The following CLSTN2 variants were observed in gnomAD, a reference collection of about 807,000 sequenced individuals.
The protein encoded by CLSTN2 is calsyntenin-2.
In CLSTN2, 48 loss-of-function variants were observed where a neutral mutation model predicts 101.2. The observed-to-expected ratio is 0.47, with a 90% CI of 0.38 to 0.60. The LOEUF is 0.60. Among genes scored for constraint, CLSTN2 ranks in the 20% least tolerant of loss-of-function variants. The pLI is 0.00. For synonymous variants in CLSTN2, 481 were observed against 463.6 expected (o/e 1.04, Z -0.48); for missense variants, 1,160 against 1,238.2 (o/e 0.94, Z 0.95).
chr3:140,163,387 G>T (rs2010081851), intron 1 of CLSTN2, among the ~76,000 whole-genome samples: 1 of 149,228 alleles, frequency 6.7e-6, no homozygotes, highest in African/African-American at 2.5e-5. Context: ...CCCACAAAAT[G>T]CATGAATCAA....
chr3:140,098,908 C>A (rs2008916084), intron 1 of CLSTN2, among the ~76,000 whole-genome samples: 1 of 152,132 alleles, frequency 6.6e-6, no homozygotes, highest in African/African-American at 2.4e-5. Context: ...AGACACTGTC[C>A]AGGCCAGATC....
Position 140,459,730 on chromosome 3 carries a change from G to A in CLSTN2, c.1183G>A (p.Ala395Thr). ...ACACGGCCCCAGCCCTGGTGTGAGA[G>A]CCGAGAAGGAAACCATCCTCTGCAA... is the stretch of plus-strand genomic sequence containing the variant. ...MKHGPSPGVR[A>T]EKETILCNSD... The change falls in exon 7 of 17, where the codon GCC becomes ACC. Residue 395 changes from alanine (A) to threonine (T), a missense_variant. By Grantham distance (58) the Ala-to-Thr change is moderately conservative. Transcript: ENST00000458420. The A allele has an allele frequency of 6.2e-7, 1 of 1,614,128 alleles. No homozygotes were observed. Among genetic ancestry groups the A allele is most frequent in the Middle Eastern group, 1.6e-4 (1 of 6,062 alleles).
intron 2 of CLSTN2, among the ~76,000 whole-genome samples, chr3:140,394,941 G>A (rs377122961): frequency 6.6e-6 from 1 of 152,280 alleles, no homozygotes; most frequent in East Asian, 1.9e-4. Context: ...GCACCAGGCA[G>A]ACCATTATTT....
At chr3:140,311,095 T>C (rs1220395011) in intron 2 of CLSTN2, among the ~76,000 whole-genome samples, 1 of 152,060 alleles carries the variant, frequency 6.6e-6, no homozygotes, top group Non-Finnish European at 1.5e-5. Context: ...GTGAGCCAGA[T>C]TGGGCAGTGA....
At chr3:140,219,362 G>A (rs1232525838) in intron 2 of CLSTN2, among the ~76,000 whole-genome samples, 12 of 151,972 alleles carry the variant, frequency 7.9e-5, no homozygotes, top group Admixed American at 3.9e-4. Flanking sequence ...CATTAGTTGC[G>A]CGTGAGTGAG....
At chr3:140,129,557 TG>T (rs1456176478) in intron 1 of CLSTN2, among the ~76,000 whole-genome samples, 3 of 152,196 alleles carry the variant, frequency 2.0e-5, no homozygotes, top group Admixed American at 2.0e-4. Flanking sequence ...GTACACAGTA[TG>T]TGCTCAATAA....
At chr3:140,102,862 T>C (rs2008992216) in intron 1 of CLSTN2, among the ~76,000 whole-genome samples, 1 of 152,190 alleles carries the variant, frequency 6.6e-6, no homozygotes, top group Admixed American at 6.5e-5. Flanking sequence ...CTCAAAACTT[T>C]CTGTGATAAG....
intron 2 of CLSTN2, among the ~76,000 whole-genome samples, chr3:140,209,858 C>G (rs757768961): frequency 6.6e-5 from 10 of 152,094 alleles, no homozygotes; most frequent in Non-Finnish European, 1.5e-4. Flanking sequence ...TGAGTTGGAG[C>G]CTCAACCTAG....
intron 2 of CLSTN2, among the ~76,000 whole-genome samples, chr3:140,379,785 G>A (rs1043813369): frequency 2.0e-5 from 3 of 152,052 alleles, no homozygotes; most frequent in East Asian, 1.9e-4. Context: ...AATAAGCTAC[G>A]AAAATGATCT....
At chr3:140,397,035 C>T (rs1389871609) in intron 2 of CLSTN2, among the ~76,000 whole-genome samples, 1 of 151,980 alleles carries the variant, frequency 6.6e-6, no homozygotes, top group African/African-American at 2.4e-5. Flanking sequence ...AACTGAGAAA[C>T]TTTCAAATGT....
intron 8 of CLSTN2, among the ~76,000 whole-genome samples, chr3:140,469,577 C>T (rs1353902624): frequency 1.3e-5 from 2 of 152,212 alleles, no homozygotes; most frequent in African/African-American, 2.4e-5. Flanking sequence ...CCTCTCTTCT[C>T]TGCTCCCCAG....
chr3:140,123,748 G>T (rs1030548317), intron 1 of CLSTN2, among the ~76,000 whole-genome samples: 1 of 152,048 alleles, frequency 6.6e-6, no homozygotes, highest in South Asian at 2.1e-4. Context: ...CCTTCTTGCT[G>T]TGTCCTCACA....
chr3:140,188,047 G>A (rs2010507614), intron 2 of CLSTN2, among the ~76,000 whole-genome samples: 1 of 152,168 alleles, frequency 6.6e-6, no homozygotes, highest in Admixed American at 6.5e-5. Context: ...CCACAGTGGA[G>A]TGTACTTGTC....
At chr3:140,551,695 C>A (rs905124192) in intron 10 of CLSTN2, among the ~76,000 whole-genome samples, 1 of 151,910 alleles carries the variant, frequency 6.6e-6, no homozygotes, top group Non-Finnish European at 1.5e-5. Context: ...TGACCTTGGG[C>A]AAGACACGTT....
intron 8 of CLSTN2, among the ~76,000 whole-genome samples, chr3:140,520,172 C>CTGTT (rs1230349843): frequency 2.0e-5 from 3 of 152,210 alleles, no homozygotes; most frequent in Non-Finnish European, 4.4e-5. Flanking sequence ...GAGAGGACCA[C>CTGTT]TGTTAGTCTG....
chr3:139,994,951 C>G (rs1175624457), intron 1 of CLSTN2, among the ~76,000 whole-genome samples: 2 of 152,154 alleles, frequency 1.3e-5, no homozygotes, highest in Admixed American at 1.3e-4. Flanking sequence ...AAGTCCCAGG[C>G]CCAAAAGACT....
intron 2 of CLSTN2, among the ~76,000 whole-genome samples, chr3:140,284,371 C>G (rs188550740): frequency 6.6e-6 from 1 of 152,074 alleles, no homozygotes; most frequent in African/African-American, 2.4e-5. Context: ...ACACCATCAC[C>G]CTTAGCCAGT....
intron 1 of CLSTN2, among the ~76,000 whole-genome samples, chr3:140,103,952 C>T (rs932233950): frequency 3.9e-5 from 6 of 152,168 alleles, no homozygotes; most frequent in Non-Finnish European, 8.8e-5. Flanking sequence ...AGAACTAGGA[C>T]ATGATTGATG....
chr3:140,532,553 A>G (rs1935279521), intron 9 of CLSTN2, 67 bp downstream of exon 9: 4 of 1,385,472 alleles, frequency 2.9e-6, no homozygotes, highest in African/African-American at 1.4e-5. Flanking sequence ...ACTTGTAGAG[A>G]AAAAGGAAAA....
Sources: allele counts gnomAD v4.1 joint callset (sites outside exome capture counted in the v4.1 genomes callset), GRCh38; gene constraint gnomAD v4.1.1; transcripts MANE v1.5; gene names NCBI Gene and HGNC (gene_info 2026-07-23, HGNC 2026-07-21).